MYO18A: variants seen among roughly 807,000 people sequenced by gnomAD.
MYO18A encodes the protein myosin XVIIIA.
Under a neutral mutation model 235.8 loss-of-function variants are expected in MYO18A, and 78 were observed. The ratio of observed to expected loss-of-function variants is 0.33; its 90% CI spans 0.28 to 0.40. The LOEUF (loss-of-function observed/expected upper bound fraction) is 0.40, where lower values mean the gene tolerates loss of function less well. Ranked by LOEUF, MYO18A falls within the 10% of genes least tolerant of loss-of-function variation. The pLI, the probability that MYO18A is intolerant of heterozygous loss-of-function variation, is 1.00. For missense variants in MYO18A, 2,215 were observed against 2,699.3 expected, an observed-to-expected ratio of 0.82 and a Z score of 3.98; for synonymous variants, 977 against 1,077.8, an observed-to-expected ratio of 0.91 and a Z score of 1.83.
intron 41 of MYO18A, chr17:29,080,040 G>GGA: frequency 1.0e-6 from 1 of 986,010 alleles, no homozygotes; most frequent in Non-Finnish European, 1.2e-6. Flanking sequence ...AGCTGGAGCT[G>GGA]GAGCTGCTCC....
chr17:29,162,957 C>A (rs2068205671), intron 2 of MYO18A, among the ~76,000 whole-genome samples: 1 of 152,224 alleles, frequency 6.6e-6, no homozygotes, highest in African/African-American at 2.4e-5. Context: ...CTCCCTGGGG[C>A]CTTCTAAACA....
At chr17:29,115,270 T>G in intron 13 of MYO18A, 81 bp downstream of exon 13, 1 of 1,532,166 alleles carries the variant, frequency 6.5e-7, no homozygotes, top group Non-Finnish European at 9.0e-7. Flanking sequence ...AGACCGGCTC[T>G]GCCTCGGCCA....
rs1353999530 is a variant in MYO18A at position 29,071,351 on chromosome 17, C to G, written c.*3419G>C. 6.6e-6 allele frequency: 1 copy of G among 152,208 alleles called. No individual in the cohort carries two copies. Among genetic ancestry groups the G allele is most frequent in the Non-Finnish European group, 1.5e-5 (1 of 68,062 alleles). 9.4% of individuals were successfully genotyped at this position (152,208 alleles called of 1,614,324 possible). On this transcript the variant is annotated 3_prime_UTR_variant, in exon 42 of 42. Transcript: ENST00000527372. ...GGTACCATGAGTGTACAGGTAAGGT[C>G]AACAGCAGAGCCTTCAAGGTACACC...
chr17:29,084,709 C>G (rs1278606009), intron 40 of MYO18A, among the ~76,000 whole-genome samples: 1 of 152,120 alleles, frequency 6.6e-6, no homozygotes, highest in Non-Finnish European at 1.5e-5. Context: ...TTAGCTCTCA[C>G]TGAGTCCTGT....
At chr17:29,139,571 G>A (rs944828826) in intron 2 of MYO18A, among the ~76,000 whole-genome samples, 1 of 152,178 alleles carries the variant, frequency 6.6e-6, no homozygotes, top group Non-Finnish European at 1.5e-5. Context: ...GCCAGCCCAC[G>A]TACTCTGCCA....
intron 37 of MYO18A, among the ~76,000 whole-genome samples, chr17:29,087,454 C>G (rs1461499331): frequency 3.9e-5 from 6 of 152,030 alleles, no homozygotes; most frequent in Non-Finnish European, 8.8e-5. Context: ...ATTGACACTG[C>G]ATGTAGAGTC....
At chr17:29,112,944 C>T (rs899622618) in intron 15 of MYO18A, among the ~76,000 whole-genome samples, 8 of 152,170 alleles carry the variant, frequency 5.3e-5, no homozygotes, top group African/African-American at 1.9e-4. Flanking sequence ...GGCTTGGCAC[C>T]GAGGGCCCCT....
chr17:29,147,285 G>A (rs965149420), intron 2 of MYO18A, among the ~76,000 whole-genome samples: 3 of 152,170 alleles, frequency 2.0e-5, no homozygotes, highest in Non-Finnish European at 4.4e-5. Flanking sequence ...GGGAGGCCGA[G>A]GAAGGCAGAT....
chr17:29,140,381 C>CG lies in MYO18A; in HGVS notation c.1000-18129dup, dbSNP rs925803351. 3 of 1,284,334 alleles carry CG rather than the reference C, an allele frequency of 2.3e-6. No individual in the cohort carries two copies. The highest frequency in any genetic ancestry group is 3.0e-6 in the Non-Finnish European group (3 of 986,500). The allele number at this position is 1,284,334 out of a possible 1,614,324, so 79.6% of individuals were successfully genotyped here. On this transcript the variant is annotated intron_variant, in intron 2 of 41. Transcript: ENST00000527372. The surrounding 1 kb of genome is among the most constrained non-coding windows in gnomAD (Gnocchi z 4.2). ...GGAGCAGCCCAGAGCAAGGAGACTC[C>CG]GCTCTGATGCTGCTCTGGCTCCGTT...
At chr17:29,122,322 G>T in intron 2 of MYO18A, 69 bp from the exon 3 acceptor site, 1 of 1,421,894 alleles carries the variant, frequency 7.0e-7, no homozygotes. Context: ...CCGTAGAGGG[G>T]AGACAAGTGA....
intron 21 of MYO18A, 25 bp downstream of exon 21, chr17:29,103,574 A>C: frequency 1.2e-6 from 2 of 1,613,242 alleles, no homozygotes; most frequent in Non-Finnish European, 1.7e-6. Context: ...GTGAGGCCCG[A>C]CTGCCCTCCT....
In MYO18A at chr17:29,111,353, C is replaced by T. The variant is rs1271468842; in HGVS notation, c.2900+71G>A. 1.9e-6 allele frequency: 3 copies of T among 1,545,732 alleles called. No homozygotes were observed. Among genetic ancestry groups the T allele is most frequent in the African/African-American group, 2.7e-5 (2 of 73,770 alleles). On this transcript the variant is annotated intron_variant, in intron 17 of 41. Coordinates refer to ENST00000527372, the MANE Select transcript of MYO18A (RefSeq NM_078471.4). The surrounding 1 kb of genome is among the most constrained non-coding windows in gnomAD (Gnocchi z 5.1). ...AGTGAGGGGGCCTCTGAGACAACCC[C>T]AGGGGGAGGGAGCCCCAAAATCAAA... is the stretch of plus-strand genomic sequence containing the variant.
In MYO18A at chr17:29,111,718, C is replaced by CTACCTTTTT; in HGVS notation, c.2735_2740+3dup. 1.2e-6 allele frequency: 2 copies of CTACCTTTTT among 1,613,442 alleles called. No homozygotes were observed. Among genetic ancestry groups the CTACCTTTTT allele is most frequent in the Non-Finnish European group, 1.7e-6 (2 of 1,179,628 alleles). On this transcript the variant is annotated splice_donor_region_variant and intron_variant, in intron 16 of 41. Transcript: ENST00000527372. This position sits in a 1 kb window ranked among gnomAD's most constrained non-coding sequence, Gnocchi z 5.1. ...AGGAGCTACCCTCTAGGGATGCCAC[C>CTACCTTTTT]TACCTTTTTTGTCACCTTCCTGGGG... is the stretch of plus-strand genomic sequence containing the variant.
At position 29,096,878 on chromosome 17, in the gene MYO18A, C is replaced by T. The variant is rs753818340; in HGVS notation, c.4268G>A (p.Arg1423Gln). ...DLQADSEESQ[R>Q]ALQQLKKKCQ... ...CTTCTTCTTGAGCTGCTGCAGAGCC[C>T]GCTGACTCTCCTCACTATCTGCCTG... is the stretch of plus-strand genomic sequence containing the variant. Residue 1423 changes from arginine to glutamine, a missense_variant, in exon 28 of 42, where the codon CGG becomes CAG. Arg to Gln is a conservative substitution (Grantham distance 43, BLOSUM62 1). Transcript: ENST00000527372. 4.4e-6 allele frequency: 7 copies of T among 1,579,332 alleles called. No homozygotes were observed. The highest frequency in any genetic ancestry group is 2.3e-5 in the East Asian group (1 of 43,074).
At chr17:29,104,330 G>A (rs1360651683) in intron 20 of MYO18A, among the ~76,000 whole-genome samples, 1 of 152,212 alleles carries the variant, frequency 6.6e-6, no homozygotes, top group Non-Finnish European at 1.5e-5. Context: ...CACGCAGCAG[G>A]TGTTAAGGAG....
intron 12 of MYO18A, 21 bp from the exon 13 acceptor site, chr17:29,115,462 C>T (rs374993272): frequency 5.5e-4 from 882 of 1,609,514 alleles, no homozygotes; most frequent in Non-Finnish European, 6.9e-4. Context: ...GGGGGAGCAG[C>T]GCTATCTCCT....
chr17:29,103,753 T>G lies in MYO18A; in HGVS notation c.3442-89A>C, dbSNP rs937931498. 10 of 1,278,508 alleles carry G rather than the reference T, an allele frequency of 7.8e-6. No homozygotes were observed. The East Asian group carries it at 2.3e-4, about 30-fold the overall frequency. 79.2% of individuals were successfully genotyped at this position (1,278,508 alleles called of 1,614,324 possible). ...CCAGGCCCTTGGCCCTTCCCCTCCC[T>G]CCTCCTAGACAGTCTGTTATTCATG... is the stretch of plus-strand genomic sequence containing the variant. On this transcript the variant is annotated intron_variant, in intron 20 of 41. Transcript: ENST00000527372.
chr17:29,098,880 T>C lies in MYO18A; in HGVS notation c.3726A>G (p.Thr1242=), dbSNP rs1232179775. 6.2e-7 allele frequency: 1 copy of C among 1,613,982 alleles called. No individual in the cohort carries two copies. ...GCTGTACTTCGATGAGGGGCCTCAC[T>C]GTGGTAAAAAGCTTCCACCAGGGCC... ...KDWPWWKLFT[T]VRPLIEVQLS... is the part of the protein sequence containing the mutation. Residue 1242 remains threonine (T), a synonymous_variant, in exon 23 of 42, where the codon ACA becomes ACG. Coordinates refer to ENST00000527372, the MANE Select transcript of MYO18A (RefSeq NM_078471.4).
chr17:29,095,895 AAGGGGGG>A lies in MYO18A; in HGVS notation c.4386-843_4386-837del, dbSNP rs2066508041. Among the ~76,000 whole-genome samples, 3 of 152,126 alleles carry A rather than the reference AAGGGGGG, an allele frequency of 2.0e-5. No homozygotes were observed. In the South Asian group the frequency reaches 6.2e-4, roughly 32 times the overall value. Reference sequence around the variant, plus strand: ...GCTGGCAATGTCATCGGGTGCTCAGAAGGGGGGTCGAGCTAAGGGTGCCAGCCTTTGG... The same window carrying A: ...GCTGGCAATGTCATCGGGTGCTCAGATCGAGCTAAGGGTGCCAGCCTTTGG... On this transcript the variant is annotated intron_variant, in intron 28 of 41. Transcript: ENST00000527372.
Sources: gnomAD v4.1 joint callset for allele counts (sites outside exome capture counted in the v4.1 genomes callset) on GRCh38, gnomAD v4.1.1 for gene constraint, Gnocchi (gnomAD v3.1) non-coding constraint, MANE v1.5 for transcripts, NCBI Gene and HGNC (gene_info 2026-07-23, HGNC 2026-07-21) for gene names.